TLN2: variants seen among roughly 807,000 people sequenced by gnomAD.
TLN2 encodes the protein talin-2.
TLN2 carries 118 observed loss-of-function variants against 294.7 expected under a neutral mutation model. The ratio of observed to expected loss-of-function variants is 0.40; its 90% CI spans 0.34 to 0.47. The LOEUF is 0.47. Ranked by LOEUF, TLN2 falls within the 20% of genes least tolerant of loss-of-function variation. The pLI is 0.84. For missense variants in TLN2, 3,083 were observed against 3,282.2 expected (o/e 0.94, Z 1.48); for synonymous variants, 1,431 against 1,304.5 (o/e 1.10, Z -2.09).
intron 1 of TLN2, among the ~76,000 whole-genome samples, chr15:62,551,713 C>G (rs528422674): frequency 6.6e-6 from 1 of 152,242 alleles, no homozygotes; most frequent in East Asian, 1.9e-4. Context: ...ACAAAAACAC[C>G]TAGATTTCTG....
chr15:62,459,028 G>C (rs890572997), intron 1 of TLN2, among the ~76,000 whole-genome samples: 1 of 151,630 alleles, frequency 6.6e-6, no homozygotes, highest in Non-Finnish European at 1.5e-5. Context: ...TGGAGACAGA[G>C]TCTCACTCTG....
At chr15:62,654,036 C>T (rs971354906) in intron 7 of TLN2, among the ~76,000 whole-genome samples, 1 of 152,144 alleles carries the variant, frequency 6.6e-6, no homozygotes, top group Non-Finnish European at 1.5e-5. Flanking sequence ...TTAACATATC[C>T]ATCACCTCAC....
rs370583781 is a variant in TLN2 at position 62,750,447 on chromosome 15, C to G, written c.4165C>G (p.Leu1389Val). 6.2e-7 allele frequency: 1 copy of G among 1,614,162 alleles called. No homozygotes were observed. The highest frequency in any genetic ancestry group is 8.5e-7 in the Non-Finnish European group (1 of 1,180,020). Residue 1389 changes from leucine to valine, a missense_variant, in exon 34 of 59, where the codon CTC becomes GTC. By Grantham distance (32) the Leu-to-Val change is conservative (BLOSUM62 1). Transcript: ENST00000636159. ...CAATCCTAATGAACCTGTTAGTGACCTCTCTTACTTTGACTGCATTGAGAG... is the reference window on the plus strand; with the variant it reads ...CAATCCTAATGAACCTGTTAGTGACGTCTCTTACTTTGACTGCATTGAGAG... ...LDNPNEPVSD[L>V]SYFDCIESVM...
chr15:62,601,407 T>C (rs2046993778), intron 2 of TLN2, among the ~76,000 whole-genome samples: 2 of 152,256 alleles, frequency 1.3e-5, no homozygotes, highest in African/African-American at 2.4e-5. Context: ...AACATGTTCC[T>C]CTCTTCCTTG....
chr15:62,536,817 T>C (rs543232399), intron 1 of TLN2, among the ~76,000 whole-genome samples: 1 of 152,360 alleles, frequency 6.6e-6, no homozygotes, highest in South Asian at 2.1e-4. Flanking sequence ...TGTACATGTT[T>C]ATAGGATACA....
intron 33 of TLN2, among the ~76,000 whole-genome samples, chr15:62,750,165 G>A (rs2061849214): frequency 6.6e-6 from 1 of 152,180 alleles, no homozygotes; most frequent in Admixed American, 6.5e-5. Context: ...CTGAAAACAA[G>A]AGATTCTCAT....
intron 1 of TLN2, among the ~76,000 whole-genome samples, chr15:62,500,931 A>G (rs1194927): frequency 0.36 from 54,792 of 152,210 alleles, 11,758 homozygotes; most frequent in African/African-American, 0.59. Flanking sequence ...CAGTCCCTGC[A>G]GCAACACAGT....
chr15:62,620,959 C>T (rs2048768247), intron 3 of TLN2, among the ~76,000 whole-genome samples: 1 of 151,614 alleles, frequency 6.6e-6, no homozygotes, highest in African/African-American at 2.4e-5. Context: ...CTGCCTCAGC[C>T]TCCAGAGTAG....
At chr15:62,672,321 A>AT (rs1404263599) in intron 9 of TLN2, among the ~76,000 whole-genome samples, 1 of 152,130 alleles carries the variant, frequency 6.6e-6, no homozygotes, top group Non-Finnish European at 1.5e-5. Context: ...GTGACCAATG[A>AT]TTTTTTAAAA....
intron 1 of TLN2, among the ~76,000 whole-genome samples, chr15:62,477,155 A>G (rs1183907442): frequency 2.6e-5 from 4 of 152,214 alleles, no homozygotes; most frequent in Non-Finnish European, 4.4e-5. Context: ...CTGTCATGCT[A>G]TTTGGGCAGA....
chr15:62,514,398 G>A (rs60530726), intron 1 of TLN2, among the ~76,000 whole-genome samples: 19,749 of 152,172 alleles, frequency 0.13, 2,038 homozygotes, highest in East Asian at 0.56. Context: ...TTACAAGTAC[G>A]TATGGCATGT....
In TLN2 at chr15:62,717,636, G is replaced by C; in HGVS notation, c.2824G>C (p.Ala942Pro). Residue 942 changes from alanine (A) to proline (P), a missense_variant, in exon 24 of 59, where the codon GCT (alanine) becomes CCT (proline). Physicochemically the swap from Ala to Pro is conservative, Grantham distance 27. Transcript: ENST00000636159. ...GACCATCGCCGCCTCCCAGAATGCAGCTGTTTCCAACAAGAACCCTGCGGC... is the reference window on the plus strand; with the variant it reads ...GACCATCGCCGCCTCCCAGAATGCACCTGTTTCCAACAAGAACCCTGCGGC... ...TQTIAASQNA[A>P]VSNKNPAAQQ... 1.9e-6 allele frequency: 3 copies of C among 1,605,820 alleles called. No homozygotes were observed. The highest frequency in any genetic ancestry group is 8.5e-7 in the Non-Finnish European group (1 of 1,176,682).
At position 62,810,818 on chromosome 15, in the gene TLN2, G is replaced by A. The variant is rs986889592; in HGVS notation, c.6771+786G>A. Among the ~76,000 whole-genome samples the A allele has an allele frequency of 4.6e-5, 7 of 152,280 alleles. No individual in the cohort carries two copies. The East Asian group carries it at 9.7e-4, about 21-fold the overall frequency. On this transcript the variant is annotated intron_variant, in intron 52 of 58. Coordinates refer to ENST00000636159, the MANE Select transcript of TLN2 (RefSeq NM_015059.3). ...TAGTCAGGGACACCCCCAGAAGAGC[G>A]TTGATGATGTCTCTCCTCCATCACT...
At chr15:62,727,367 T>C (rs2060495682) in intron 28 of TLN2, among the ~76,000 whole-genome samples, 178 bp downstream of exon 28, 3 of 152,184 alleles carry the variant, frequency 2.0e-5, no homozygotes, top group African/African-American at 7.2e-5. Flanking sequence ...ACACAAAGAC[T>C]AATAAATTGT....
intron 32 of TLN2, among the ~76,000 whole-genome samples, chr15:62,745,671 G>T (rs906413416): frequency 1.3e-5 from 2 of 152,142 alleles, no homozygotes; most frequent in African/African-American, 2.4e-5. Context: ...TGGGTCCCCA[G>T]GATTCCCTTG....
At chr15:62,643,010 A>G (rs2051323654) in intron 3 of TLN2, among the ~76,000 whole-genome samples, 1 of 152,024 alleles carries the variant, frequency 6.6e-6, no homozygotes, top group South Asian at 2.1e-4. Context: ...CCTTAATCCT[A>G]CTTTCTTTTT....
intron 1 of TLN2, among the ~76,000 whole-genome samples, chr15:62,494,279 G>A (rs910261205): frequency 5.3e-5 from 8 of 151,780 alleles, no homozygotes; most frequent in East Asian, 1.9e-4. Context: ...TTTAATTACC[G>A]TCTCTGCTTA....
In TLN2 at chr15:62,522,803, G is replaced by T. The variant is rs957256280; in HGVS notation, c.-237-66884G>T. 8.5e-5 allele frequency among the ~76,000 whole-genome samples: 13 copies of T among 152,100 alleles called. 1 individual carries two copies. Among genetic ancestry groups the T allele is most frequent in the Admixed American group, 7.9e-4 (12 of 15,266 alleles). On this transcript the variant is annotated intron_variant, in intron 1 of 58. Coordinates refer to ENST00000636159, the MANE Select transcript of TLN2 (RefSeq NM_015059.3). The stretch of plus-strand genomic sequence containing the variant: ...ATTTCAGAGTTCAAAAACCAGAGAA[G>T]AAAATTGCATCTTCTCTCTCTCATG...
At chr15:62,395,965 A>G (rs1343139483) in intron 1 of TLN2, among the ~76,000 whole-genome samples, 1 of 151,988 alleles carries the variant, frequency 6.6e-6, no homozygotes, top group Non-Finnish European at 1.5e-5. Flanking sequence ...CTTCCCGAGT[A>G]GCTGGAATTA....
Sources: gnomAD v4.1 joint callset for allele counts (sites outside exome capture counted in the v4.1 genomes callset) on GRCh38, gnomAD v4.1.1 for gene constraint, MANE v1.5 for transcripts, NCBI Gene and HGNC (gene_info 2026-07-23, HGNC 2026-07-21) for gene names.